The following FAAH2 variants were observed in gnomAD, a reference collection of about 807,000 sequenced individuals.
FAAH2 encodes fatty acid amide hydrolase 2.
In FAAH2, 60 loss-of-function variants were observed where a neutral mutation model predicts 36.9. That is an observed-to-expected ratio of 1.63 (90% CI 1.32 to 2.02). FAAH2 has a LOEUF of 2.02. FAAH2 is among the 30% of genes most tolerant of loss of function. FAAH2 has a pLI of 0.00. For missense variants in FAAH2, 689 were observed against 397.5 expected, an observed-to-expected ratio of 1.73 and a Z score of -6.23; for synonymous variants, 214 against 143.8, an observed-to-expected ratio of 1.49 and a Z score of -3.49.
intron 5 of FAAH2, among the ~76,000 whole-genome samples, chrX:57,366,077 T>A (rs1175483593): frequency 8.9e-6 from 1 of 112,192 alleles, no homozygotes; most frequent in African/African-American, 3.2e-5. Context: ...ATTGGTGAGT[T>A]TGTTTGGAGG....
intron 7 of FAAH2, among the ~76,000 whole-genome samples, chrX:57,408,233 T>A (rs1235887416): frequency 9.0e-6 from 1 of 111,132 alleles, no homozygotes; most frequent in Non-Finnish European, 1.9e-5. Context: ...GCATTGAGTC[T>A]GTAGATCTGG....
the FAAH2 span, among the ~76,000 whole-genome samples, chrX:57,146,578 C>T: frequency 8.9e-6 from 1 of 111,935 alleles, no homozygotes; most frequent in Non-Finnish European, 1.9e-5. Context: ...TCTGATTGCT[C>T]TTGCTAGGAC....
At chrX:57,327,649 C>T (rs769422862) in intron 3 of FAAH2, among the ~76,000 whole-genome samples, 26 of 111,806 alleles carry the variant, frequency 2.3e-4, no homozygotes, top group African/African-American at 8.4e-4. Flanking sequence ...GAGGCTTGTG[C>T]ATTCATCATG....
Position 57,315,177 on chromosome X carries a change from G to A in FAAH2, c.412+4448G>A, listed in dbSNP as rs149578245. ...TATATAGAAAATGTAAATATTCCTG[G>A]AAACACACCTTCTTCCAAGATTGAA... On this transcript the variant is annotated intron_variant, in intron 3 of 10. Coordinates refer to ENST00000374900, the MANE Select transcript of FAAH2 (RefSeq NM_174912.4). Among the ~76,000 whole-genome samples the A allele has an allele frequency of 6.4e-3, 708 of 110,998 alleles. 4 individuals are homozygous for A. Among genetic ancestry groups the A allele is most frequent in the Non-Finnish European group, 0.01 (537 of 52,812 alleles).
intron 8 of FAAH2, among the ~76,000 whole-genome samples, chrX:57,434,149 A>G (rs1229065212): frequency 9.5e-6 from 1 of 105,740 alleles, no homozygotes; most frequent in African/African-American, 3.5e-5. Flanking sequence ...CAGTGGTGCA[A>G]TCTTGGCCTA....
intron 8 of FAAH2, among the ~76,000 whole-genome samples, chrX:57,440,161 G>T (rs1409720881): frequency 1.8e-5 from 2 of 111,318 alleles, no homozygotes; most frequent in Non-Finnish European, 3.8e-5. Context: ...GCTTAATGGG[G>T]ATGGCATTGA....
At chrX:57,475,987 G>T (rs1040682273) in intron 10 of FAAH2, among the ~76,000 whole-genome samples, 1 of 110,748 alleles carries the variant, frequency 9.0e-6, no homozygotes, top group Non-Finnish European at 1.9e-5. Flanking sequence ...TGATTTGGCT[G>T]TCTGCTTGTC....
At chrX:57,401,319 G>T (rs746778457) in intron 7 of FAAH2, among the ~76,000 whole-genome samples, 21 of 111,131 alleles carry the variant, frequency 1.9e-4, no homozygotes, top group Non-Finnish European at 3.4e-4. Context: ...AGGTAAAACA[G>T]TCCAGGTGAG....
At chrX:57,436,904 C>A (rs1158674681) in intron 8 of FAAH2, among the ~76,000 whole-genome samples, 1 of 110,843 alleles carries the variant, frequency 9.0e-6, no homozygotes, top group Non-Finnish European at 1.9e-5. Context: ...ACCCTGATAC[C>A]AAAACCATAC....
intron 5 of FAAH2, among the ~76,000 whole-genome samples, chrX:57,345,646 T>C (rs373255632): frequency 1.8e-5 from 2 of 111,507 alleles, no homozygotes; most frequent in Non-Finnish European, 3.8e-5. Context: ...CCAATTATAG[T>C]TACATATTTT....
the FAAH2 span, among the ~76,000 whole-genome samples, chrX:57,251,442 A>G: frequency 8.9e-6 from 1 of 111,849 alleles, no homozygotes; most frequent in Non-Finnish European, 1.9e-5. Context: ...GATCAGGAAC[A>G]AGACAAGGAT....
the FAAH2 span, among the ~76,000 whole-genome samples, chrX:57,181,145 A>C: frequency 3.6e-5 from 4 of 111,817 alleles, no homozygotes; most frequent in Non-Finnish European, 5.7e-5. Context: ...AATGAGAGTC[A>C]CGTATGAAAA....
chrX:57,242,643 G>C, the FAAH2 span, among the ~76,000 whole-genome samples: 1 of 111,866 alleles, frequency 8.9e-6, no homozygotes, highest in East Asian at 2.9e-4. Flanking sequence ...ACCTCACCCA[G>C]GAAGTGCAAG....
intron 5 of FAAH2, among the ~76,000 whole-genome samples, chrX:57,363,827 TA>T (rs1221439942): frequency 9.0e-6 from 1 of 111,256 alleles, no homozygotes; most frequent in Non-Finnish European, 1.9e-5. Flanking sequence ...GATAGTCATA[TA>T]TTTTTTAAAG....
intron 8 of FAAH2, among the ~76,000 whole-genome samples, chrX:57,441,311 C>T (rs1332648196): frequency 1.8e-5 from 2 of 111,324 alleles, no homozygotes; most frequent in African/African-American, 3.3e-5. Context: ...GATTCAAATT[C>T]TTCCTAGTTT....
intron 3 of FAAH2, among the ~76,000 whole-genome samples, chrX:57,328,235 G>T (rs1201733883): frequency 9.0e-6 from 1 of 111,509 alleles, no homozygotes; most frequent in African/African-American, 3.3e-5. Context: ...CGTGTGAGGT[G>T]TCAGTCTGCC....
the FAAH2 span, among the ~76,000 whole-genome samples, chrX:57,219,709 A>T: frequency 9.2e-6 from 1 of 108,456 alleles, no homozygotes. Context: ...GCTGTCCAGG[A>T]TGGCCTCCTT....
chrX:57,426,048 G>A (rs1569336959), intron 7 of FAAH2, among the ~76,000 whole-genome samples: 2 of 111,952 alleles, frequency 1.8e-5, no homozygotes, highest in Non-Finnish European at 3.8e-5. Flanking sequence ...AGTATCATGT[G>A]TTTCATATGT....
At chrX:57,137,993 TCA>T in the FAAH2 span, among the ~76,000 whole-genome samples, 1 of 111,525 alleles carries the variant, frequency 9.0e-6, no homozygotes, top group Non-Finnish European at 1.9e-5. Flanking sequence ...ATCACATAAC[TCA>T]CAGATATAAT....
Sources: gnomAD v4.1 joint callset for allele counts (sites outside exome capture counted in the v4.1 genomes callset) on GRCh38, gnomAD v4.1.1 for gene constraint, MANE v1.5 for transcripts, NCBI Gene and HGNC (gene_info 2026-07-23, HGNC 2026-07-21) for gene names.